PNPLA6: variants seen among roughly 807,000 people sequenced by gnomAD.
PNPLA6 encodes patatin like domain 6, lysophospholipase.
A neutral mutation model predicts 153.7 loss-of-function variants in PNPLA6; 105 were observed. The ratio of observed to expected loss-of-function variants is 0.68; its 90% CI spans 0.58 to 0.80. The LOEUF is 0.80. Among genes scored for constraint, PNPLA6 ranks in the 30% least tolerant of loss-of-function variants. The pLI, the probability that PNPLA6 is intolerant of heterozygous loss-of-function variation, is 0.00. For missense variants in PNPLA6, 1,423 were observed against 1,919.3 expected (o/e 0.74, Z 4.83); for synonymous variants, 825 against 822.2 (o/e 1.00, Z -0.06).
chr19:7,553,636 G>A (rs561188876), intron 18 of PNPLA6, among the ~76,000 whole-genome samples: 9 of 152,332 alleles, frequency 5.9e-5, no homozygotes, highest in Admixed American at 1.3e-4. Context: ...GGCCCAAAGT[G>A]GAGGGTAGAT....
chr19:7,542,844 C>T lies in PNPLA6; in HGVS notation c.1446C>T (p.Cys482=). Residue 482 remains cysteine (C), a synonymous_variant, in exon 12 of 32, where the codon TGC becomes TGT. Coordinates refer to ENST00000600737, the MANE Select transcript of PNPLA6 (RefSeq NM_001166114.2). ...AGGATGAGTCGGCCACTGGTGGCTG[C>T]CCTTTCGGGCCCTACCAGGGCCGCC... is the stretch of plus-strand genomic sequence containing the variant. The part of the protein sequence containing the change: ...YCEDESATGG[C]PFGPYQGRQT... 6.2e-7 allele frequency: 1 copy of T among 1,612,992 alleles called. No individual in the cohort carries two copies. Among genetic ancestry groups the T allele is most frequent in the East Asian group, 2.2e-5 (1 of 44,888 alleles).
At position 7,541,253 on chromosome 19, in the gene PNPLA6, G is replaced by T. The variant is rs1238913513; in HGVS notation, c.925-101G>T. 1.7e-6 allele frequency: 2 copies of T among 1,181,668 alleles called. No individual in the cohort carries two copies. Among genetic ancestry groups the T allele is most frequent in the Non-Finnish European group, 2.5e-6 (2 of 814,224 alleles). The allele number at this position is 1,181,668 out of a possible 1,614,324, so 73.2% of individuals were successfully genotyped here. On this transcript the variant is annotated intron_variant, in intron 7 of 31. Transcript: ENST00000600737. This position sits in a 1 kb window ranked among gnomAD's most constrained non-coding sequence, Gnocchi z 5.2. Reference sequence around the variant, plus strand: ...TCCCCAGACTGTGGGTCTCTCCCTGGTTCCCGCCCGACCCCTTATGCTGCG... The same window carrying T: ...TCCCCAGACTGTGGGTCTCTCCCTGTTTCCCGCCCGACCCCTTATGCTGCG...
rs938496866 is a variant in PNPLA6 at position 7,535,920 on chromosome 19, G to T, written c.132G>T (p.Pro44=). 1.3e-6 allele frequency: 2 copies of T among 1,571,254 alleles called. No homozygotes were observed. Among genetic ancestry groups the T allele is most frequent in the East Asian group, 2.3e-5 (1 of 43,546 alleles). The change falls in exon 1 of 32, where the codon CCG becomes CCT. Residue 44 remains proline, a synonymous_variant. Transcript: ENST00000600737. This position sits in a 1 kb window ranked among gnomAD's most constrained non-coding sequence, Gnocchi z 5.0. ...GGATTTGCGGTGCGCAGCCAGTGCC[G>T]TTCGTCCCTCAGGTGCTTGGCGTGA... is the stretch of plus-strand genomic sequence containing the variant. ...AGRICGAQPV[P]FVPQVLGVMI...
chr19:7,557,872 G>A (rs1192818547), intron 27 of PNPLA6, among the ~76,000 whole-genome samples: 1 of 152,056 alleles, frequency 6.6e-6, no homozygotes, highest in Non-Finnish European at 1.5e-5. Flanking sequence ...AAGAGGGACA[G>A]GTGCACACGT....
At chr19:7,543,783 C>T (rs114250447) in intron 13 of PNPLA6, among the ~76,000 whole-genome samples, 1,833 of 151,874 alleles carry the variant, frequency 0.012, 31 homozygotes, top group African/African-American at 0.042. Context: ...ATGCCTAGTT[C>T]GCAGAACCCC....
intron 17 of PNPLA6, 107 bp from the exon 18 acceptor site, chr19:7,551,255 G>C: frequency 8.2e-7 from 1 of 1,217,312 alleles, no homozygotes; most frequent in Non-Finnish European, 1.2e-6. Flanking sequence ...TCTCGGGGGT[G>C]GGACCCAGGT....
At chr19:7,534,925 G>A (rs1331462834), upstream of PNPLA6, 1 of 159,346 alleles carries the variant, frequency 6.3e-6, no homozygotes, top group African/African-American at 2.4e-5. Context: ...CGCCTTCCGC[G>A]GATGCCCCGG....
At chr19:7,535,324 G>A (rs543583345), upstream of PNPLA6, 66 of 624,640 alleles carry the variant, frequency 1.1e-4, no homozygotes, top group Middle Eastern at 3.0e-4. This position sits in a 1 kb window ranked among gnomAD's most constrained non-coding sequence, Gnocchi z 5.0. Flanking sequence ...GGCCAGGGCC[G>A]AGAGGTCGGT....
At chr19:7,557,044 A>T in intron 26 of PNPLA6, 124 bp from the exon 27 acceptor site, 1 of 848,970 alleles carries the variant, frequency 1.2e-6, no homozygotes, top group East Asian at 2.4e-5. Context: ...AAGGACGGGC[A>T]CCTGCTGGTG....
In PNPLA6 at chr19:7,551,530, G is replaced by A. The variant is rs114731788; in HGVS notation, c.2260+93G>A. On this transcript the variant is annotated intron_variant, in intron 18 of 31. Transcript: ENST00000600737. ...AGCCTTCTTTCCTGAGGGATGCTGG[G>A]AAATGGAGTTCCGCGAAGAAATCGT... The A allele has an allele frequency of 3.1e-3, 3,407 of 1,102,910 alleles. 65 individuals carry two copies. In the African/African-American group the frequency reaches 0.045, roughly 15 times the overall value. The allele number at this position is 1,102,910 out of a possible 1,614,324, so 68.3% of individuals were successfully genotyped here.
chr19:7,558,606 T>G (rs1599312366), intron 27 of PNPLA6, among the ~76,000 whole-genome samples: 1 of 152,190 alleles, frequency 6.6e-6, no homozygotes, highest in East Asian at 1.9e-4. Flanking sequence ...CACTCCAGCC[T>G]GGGCGACAGA....
intron 27 of PNPLA6, 40 bp downstream of exon 27, chr19:7,557,324 C>T (rs11668694): frequency 8.1e-7 from 1 of 1,237,108 alleles, no homozygotes; most frequent in Non-Finnish European, 1.2e-6. Context: ...GCAAGCACCT[C>T]CCGCACCACA....
At chr19:7,543,781 T>C (rs921162164) in intron 13 of PNPLA6, among the ~76,000 whole-genome samples, 6 of 152,102 alleles carry the variant, frequency 3.9e-5, no homozygotes, top group Middle Eastern at 3.2e-3. Context: ...AGATGCCTAG[T>C]TCGCAGAACC....
In PNPLA6 at chr19:7,556,573, G is replaced by T; in HGVS notation, c.3210+4G>T. 2 of 1,604,024 alleles carry T rather than the reference G, an allele frequency of 1.2e-6. No individual in the cohort carries two copies. Among genetic ancestry groups the T allele is most frequent in the Non-Finnish European group, 1.7e-6 (2 of 1,170,890 alleles). On this transcript the variant is annotated splice_donor_region_variant and intron_variant, in intron 25 of 31. Transcript: ENST00000600737. ...CTTCCAGGATAAGCAGATTGAGGTA[G>T]GCCCACCTCATCCCCTGCCCTGCCT...
intron 21 of PNPLA6, 45 bp from the exon 22 acceptor site, chr19:7,554,848 G>T: frequency 6.4e-7 from 1 of 1,570,264 alleles, no homozygotes; most frequent in South Asian, 1.1e-5. Context: ...GTGTGGCCAG[G>T]TGGTGGTGGG....
chr19:7,537,634 T>C (rs2022937737), intron 3 of PNPLA6, among the ~76,000 whole-genome samples: 1 of 151,748 alleles, frequency 6.6e-6, no homozygotes, highest in Non-Finnish European at 1.5e-5. Context: ...AGTCCTTTCT[T>C]TTTTGTTTGT....
chr19:7,561,193 G>C lies in PNPLA6; in HGVS notation c.3914-15G>C. On this transcript the variant is annotated splice_polypyrimidine_tract_variant and intron_variant, in intron 30 of 31. Transcript: ENST00000600737. ...GCCCCAATCCCCTCACCTGTGCCCT[G>C]CTCCCCGATTCCAGGAGAGGAGTCA... 6.2e-7 allele frequency: 1 copy of C among 1,600,182 alleles called. No homozygotes were observed. Among genetic ancestry groups the C allele is most frequent in the Non-Finnish European group, 8.5e-7 (1 of 1,172,332 alleles).
chr19:7,548,754 G>T (rs561247169), intron 13 of PNPLA6, among the ~76,000 whole-genome samples: 55 of 151,046 alleles, frequency 3.6e-4, no homozygotes, highest in Non-Finnish European at 5.7e-4. Context: ...TATATATAGA[G>T]AGAGAGATGC....
intron 18 of PNPLA6, 27 bp downstream of exon 18, chr19:7,551,464 C>G (rs1259156736): frequency 6.3e-7 from 1 of 1,582,536 alleles, no homozygotes; most frequent in Middle Eastern, 1.7e-4. Context: ...CCAGAGCGTG[C>G]TGGGAGATGT....
Sources: allele counts gnomAD v4.1 joint callset (sites outside exome capture counted in the v4.1 genomes callset), GRCh38; gene constraint gnomAD v4.1.1; non-coding constraint Gnocchi (gnomAD v3.1); transcripts MANE v1.5; gene names NCBI Gene and HGNC (gene_info 2026-07-23, HGNC 2026-07-21).